The following KCNB2 variants were observed in gnomAD, a reference collection of about 807,000 sequenced individuals.
KCNB2 encodes delayed rectifier potassium channel protein.
In KCNB2, 15 loss-of-function variants were observed where a neutral mutation model predicts 61.5. That is an observed-to-expected ratio of 0.24 (90% CI 0.16 to 0.38). The LOEUF (loss-of-function observed/expected upper bound fraction) is 0.38. Among genes scored for constraint, KCNB2 ranks in the 10% least tolerant of loss-of-function variants. KCNB2 has a pLI of 1.00. For synonymous variants in KCNB2, 457 were observed against 446.0 expected (o/e 1.02, Z -0.31); for missense variants, 828 against 1,125.2 (o/e 0.74, Z 3.78).
chr8:72,651,910 C>A (rs1004862354), intron 2 of KCNB2, among the ~76,000 whole-genome samples: 1 of 152,104 alleles, frequency 6.6e-6, no homozygotes, highest in Non-Finnish European at 1.5e-5. Flanking sequence ...CCCTCTCCCA[C>A]GTCACATGGG....
At chr8:72,905,627 CG>C (rs1806164891) in intron 2 of KCNB2, among the ~76,000 whole-genome samples, 1 of 152,000 alleles carries the variant, frequency 6.6e-6, no homozygotes, top group African/African-American at 2.4e-5. Context: ...TTCTGATAGT[CG>C]GGGAGCACGA....
intron 1 of KCNB2, among the ~76,000 whole-genome samples, chr8:72,555,165 A>G (rs1277316089): frequency 2.6e-5 from 4 of 152,092 alleles, no homozygotes. Context: ...TCTGAGCCTC[A>G]GTTTCTTAAC....
At chr8:72,869,254 G>C (rs149685340) in intron 2 of KCNB2, among the ~76,000 whole-genome samples, 318 of 152,294 alleles carry the variant, frequency 2.1e-3, no homozygotes, top group African/African-American at 6.8e-3. Context: ...AGAGGGGTTT[G>C]AAGGGAGAAG....
chr8:72,922,910 G>A (rs1248091390), intron 2 of KCNB2, among the ~76,000 whole-genome samples: 2 of 151,980 alleles, frequency 1.3e-5, no homozygotes, highest in Admixed American at 6.6e-5. Context: ...AAGGTGGTTG[G>A]GCTACAGCTT....
intron 1 of KCNB2, among the ~76,000 whole-genome samples, chr8:72,556,044 C>T (rs1585748938): frequency 6.6e-6 from 1 of 152,010 alleles, no homozygotes. Flanking sequence ...TGATTTTCCA[C>T]ACTGTTTTTC....
intron 1 of KCNB2, among the ~76,000 whole-genome samples, chr8:72,556,989 G>A (rs1387824085): frequency 6.6e-6 from 1 of 152,088 alleles, no homozygotes; most frequent in African/African-American, 2.4e-5. Context: ...GCTGTGTCAA[G>A]GACACAGGCA....
rs113068372 is a variant in KCNB2 at position 72,636,223 on chromosome 8, T to C, written c.579+67910T>C. Reference sequence around the variant, plus strand: ...CATGGACTGTAATACCTATCTCCCATGGTTTTAGTTAAGCTGAAATAACAG... The same window carrying C: ...CATGGACTGTAATACCTATCTCCCACGGTTTTAGTTAAGCTGAAATAACAG... On this transcript the variant is annotated intron_variant, in intron 2 of 2. Coordinates refer to ENST00000523207, the MANE Select transcript of KCNB2 (RefSeq NM_004770.3). Among the ~76,000 whole-genome samples, 457 of 152,270 alleles carry C rather than the reference T, an allele frequency of 3.0e-3. 2 individuals carry two copies. Among genetic ancestry groups the C allele is most frequent in the African/African-American group, 0.01 (435 of 41,556 alleles).
intron 2 of KCNB2, among the ~76,000 whole-genome samples, chr8:72,812,267 C>CAA (rs764042462): frequency 1.0e-4 from 14 of 135,446 alleles, no homozygotes; most frequent in East Asian, 6.3e-4. Context: ...GACTCTGTCT[C>CAA]AAAAAAAAAA....
chr8:72,590,428 G>T (rs1185861427), intron 2 of KCNB2, among the ~76,000 whole-genome samples: 1 of 152,052 alleles, frequency 6.6e-6, no homozygotes, highest in African/African-American at 2.4e-5. Flanking sequence ...GAGCAAAAGG[G>T]CAAAGTTACT....
rs185166275 is a variant in KCNB2, at chr8:72,700,350, C to T, written c.579+132037C>T. On this transcript the variant is annotated intron_variant, in intron 2 of 2. Coordinates refer to ENST00000523207, the MANE Select transcript of KCNB2 (RefSeq NM_004770.3). ...CACGTTCTGCACATGTATCCCAGAA[C>T]TTAAAGTAAAATTAATTAATTAATT... Among the ~76,000 whole-genome samples, 886 of 152,080 alleles carry T rather than the reference C, an allele frequency of 5.8e-3. 12 individuals are homozygous for T. In the Middle Eastern group the frequency reaches 0.082, roughly 14 times the overall value.
intron 2 of KCNB2, among the ~76,000 whole-genome samples, chr8:72,818,543 A>G (rs1809442602): frequency 6.6e-6 from 1 of 152,194 alleles, no homozygotes; most frequent in Non-Finnish European, 1.5e-5. Context: ...ATGAACTAAC[A>G]CAGTGCCATG....
At chr8:72,805,736 G>A (rs1809208849) in intron 2 of KCNB2, among the ~76,000 whole-genome samples, 1 of 152,040 alleles carries the variant, frequency 6.6e-6, no homozygotes, top group African/African-American at 2.4e-5. Context: ...TGTTCTCGAG[G>A]TATGTGACCC....
chr8:72,632,266 T>G (rs1301460643), intron 2 of KCNB2, among the ~76,000 whole-genome samples: 1 of 151,692 alleles, frequency 6.6e-6, no homozygotes, highest in Admixed American at 6.6e-5. Flanking sequence ...GAGGGGGCAA[T>G]GGAAAAAAAT....
chr8:72,690,067 A>G (rs1176404469), intron 2 of KCNB2, among the ~76,000 whole-genome samples: 1 of 152,080 alleles, frequency 6.6e-6, no homozygotes, highest in Non-Finnish European at 1.5e-5. Flanking sequence ...CTTCTTAACA[A>G]TTTAAAGCTA....
At chr8:72,918,431 C>T (rs1056874996) in intron 2 of KCNB2, among the ~76,000 whole-genome samples, 1 of 152,172 alleles carries the variant, frequency 6.6e-6, no homozygotes, top group African/African-American at 2.4e-5. Context: ...TTTTGCTAAG[C>T]TTAATGTCTT....
chr8:72,866,730 C>T (rs1805528228), intron 2 of KCNB2, among the ~76,000 whole-genome samples: 1 of 152,198 alleles, frequency 6.6e-6, no homozygotes, highest in Non-Finnish European at 1.5e-5. Context: ...CTATGGGCAC[C>T]TCTCATTTTA....
At chr8:72,914,544 C>T (rs568899529) in intron 2 of KCNB2, among the ~76,000 whole-genome samples, 1 of 152,210 alleles carries the variant, frequency 6.6e-6, no homozygotes, top group South Asian at 2.1e-4. Context: ...GTTTTAGGTT[C>T]CATGTAGAAT....
At chr8:72,903,691 C>T (rs1414216023) in intron 2 of KCNB2, among the ~76,000 whole-genome samples, 1 of 152,174 alleles carries the variant, frequency 6.6e-6, no homozygotes, top group South Asian at 2.1e-4. Flanking sequence ...TCCAATAACT[C>T]TAAATCCAAT....
intron 2 of KCNB2, among the ~76,000 whole-genome samples, chr8:72,851,993 T>G (rs1056474379): frequency 6.6e-6 from 1 of 152,012 alleles, no homozygotes; most frequent in African/African-American, 2.4e-5. Flanking sequence ...TCCAGCATTT[T>G]GGGAGAGCAA....
Sources: allele counts gnomAD v4.1 joint callset (sites outside exome capture counted in the v4.1 genomes callset), GRCh38; gene constraint gnomAD v4.1.1; transcripts MANE v1.5; gene names NCBI Gene and HGNC (gene_info 2026-07-23, HGNC 2026-07-21).